CNTNAP5: variants seen among roughly 807,000 people sequenced by gnomAD.
CNTNAP5 encodes the protein contactin associated protein family member 5.
Under a neutral mutation model 150.2 loss-of-function variants are expected in CNTNAP5, and 72 were observed. The ratio of observed to expected loss-of-function variants is 0.48; its 90% CI spans 0.40 to 0.58. The LOEUF is 0.58. Ranked by LOEUF, CNTNAP5 falls within the 20% of genes least tolerant of loss-of-function variation. CNTNAP5 has a pLI of 0.00. For missense variants in CNTNAP5, 1,636 were observed against 1,626.2 expected (o/e 1.01, Z -0.10); for synonymous variants, 672 against 619.8 (o/e 1.08, Z -1.25).
chr2:124,387,545 G>C (rs1193530326), intron 3 of CNTNAP5, among the ~76,000 whole-genome samples: 3 of 152,070 alleles, frequency 2.0e-5, no homozygotes, highest in Non-Finnish European at 2.9e-5. Flanking sequence ...TTGCGGGCAG[G>C]GTGGATCTCA....
intron 10 of CNTNAP5, among the ~76,000 whole-genome samples, chr2:124,528,277 A>C (rs1464953027): frequency 2.0e-5 from 3 of 152,168 alleles, no homozygotes; most frequent in Non-Finnish European, 4.4e-5. Flanking sequence ...AGTTACAATA[A>C]AGTTAGATAA....
chr2:124,512,515 G>A (rs1178209936), intron 8 of CNTNAP5, among the ~76,000 whole-genome samples: 1 of 152,080 alleles, frequency 6.6e-6, no homozygotes. Context: ...GACATGGACA[G>A]CAAAGAGCCA....
intron 1 of CNTNAP5, among the ~76,000 whole-genome samples, chr2:124,189,546 G>T (rs991127484): frequency 3.3e-5 from 5 of 152,184 alleles, no homozygotes; most frequent in Admixed American, 2.0e-4. Flanking sequence ...TTTTATAGGA[G>T]ATAATAGGTG....
chr2:124,513,921 A>T (rs1379420671), intron 8 of CNTNAP5, among the ~76,000 whole-genome samples: 2 of 152,204 alleles, frequency 1.3e-5, no homozygotes, highest in Non-Finnish European at 2.9e-5. Flanking sequence ...AGCCATTTGT[A>T]GCTAGCCACC....
At chr2:124,772,366 A>G (rs1681220643) in intron 16 of CNTNAP5, among the ~76,000 whole-genome samples, 1 of 152,230 alleles carries the variant, frequency 6.6e-6, no homozygotes, top group Non-Finnish European at 1.5e-5. Flanking sequence ...ACAAATGCTT[A>G]TATAACATGC....
At chr2:124,210,371 T>G (rs989516431) in intron 1 of CNTNAP5, among the ~76,000 whole-genome samples, 45 of 152,198 alleles carry the variant, frequency 3.0e-4, no homozygotes, top group African/African-American at 9.2e-4. Flanking sequence ...ATTTGTGAGC[T>G]TCCCAGTTCT....
At chr2:124,221,872 G>A (rs1686329594) in intron 2 of CNTNAP5, 63 bp downstream of exon 2, 2 of 1,054,488 alleles carry the variant, frequency 1.9e-6, no homozygotes, top group Non-Finnish European at 1.4e-6. Context: ...GGTAGGTGAA[G>A]GAGAGTGAGC....
chr2:124,137,585 C>A, intron 1 of CNTNAP5, among the ~76,000 whole-genome samples: 1 of 152,050 alleles, frequency 6.6e-6, no homozygotes, highest in Non-Finnish European at 1.5e-5. Flanking sequence ...AAAAAAAATT[C>A]TACTTTGGGC....
intron 1 of CNTNAP5, among the ~76,000 whole-genome samples, chr2:124,028,015 A>C (rs1471030566): frequency 1.3e-5 from 2 of 152,174 alleles, no homozygotes; most frequent in African/African-American, 2.4e-5. Context: ...TTTTATCTAT[A>C]ATCAATTAAT....
chr2:124,619,140 G>A (rs1566810), intron 12 of CNTNAP5, among the ~76,000 whole-genome samples: 61,010 of 151,730 alleles, frequency 0.4, 14,300 homozygotes, highest in Non-Finnish European at 0.54. Context: ...TGGATGCAGA[G>A]CATTTCAGCC....
intron 7 of CNTNAP5, among the ~76,000 whole-genome samples, chr2:124,503,746 T>C (rs572370695): frequency 6.6e-6 from 1 of 152,290 alleles, no homozygotes; most frequent in East Asian, 1.9e-4. Context: ...AATGGCAGTT[T>C]CCCTGGAATT....
At chr2:124,201,800 A>G (rs545148949) in intron 1 of CNTNAP5, among the ~76,000 whole-genome samples, 1 of 152,312 alleles carries the variant, frequency 6.6e-6, no homozygotes, top group Middle Eastern at 3.4e-3. Flanking sequence ...GCATATATAA[A>G]TTTGTTCTCA....
At chr2:124,084,856 C>T (rs977633180) in intron 1 of CNTNAP5, among the ~76,000 whole-genome samples, 9 of 150,758 alleles carry the variant, frequency 6.0e-5, no homozygotes, top group South Asian at 2.1e-4. Flanking sequence ...GTATAATACT[C>T]CAGTGAAACT....
intron 1 of CNTNAP5, among the ~76,000 whole-genome samples, chr2:124,063,414 T>G (rs1423000000): frequency 2.0e-5 from 3 of 152,142 alleles, no homozygotes; most frequent in South Asian, 4.1e-4. Flanking sequence ...CCTACAACTC[T>G]GATTTAAATG....
At chr2:124,637,275 T>G (rs1677990807) in intron 12 of CNTNAP5, among the ~76,000 whole-genome samples, 1 of 152,096 alleles carries the variant, frequency 6.6e-6, no homozygotes, top group Admixed American at 6.6e-5. Flanking sequence ...TCTTTTTGCT[T>G]TTGTTGTTGT....
chr2:124,313,531 C>T (rs1049506007), intron 3 of CNTNAP5, among the ~76,000 whole-genome samples: 1 of 152,186 alleles, frequency 6.6e-6, no homozygotes, highest in African/African-American at 2.4e-5. Context: ...AATTCAGCTT[C>T]TGCTCTCACA....
chr2:124,790,291 A>G (rs1306678367), intron 18 of CNTNAP5, 150 bp downstream of exon 18: 7 of 862,900 alleles, frequency 8.1e-6, no homozygotes, highest in Non-Finnish European at 1.2e-5. Context: ...ACGTAATTGC[A>G]TATACTTATT....
At chr2:124,053,308 T>C (rs1400353139) in intron 1 of CNTNAP5, among the ~76,000 whole-genome samples, 1 of 152,036 alleles carries the variant, frequency 6.6e-6, no homozygotes, top group South Asian at 2.1e-4. Context: ...AACAAGGTAA[T>C]CTCTGTATTC....
At chr2:124,145,812 T>TAAAAAAAAAAAAA in intron 1 of CNTNAP5, among the ~76,000 whole-genome samples, 20 of 64,116 alleles carry the variant, frequency 3.1e-4, no homozygotes, top group African/African-American at 4.2e-4. Context: ...AAAAAAACAT[T>TAAAAAAAAAAAAA]AAAAAAAAAA....
Sources: allele counts gnomAD v4.1 joint callset (sites outside exome capture counted in the v4.1 genomes callset), GRCh38; gene constraint gnomAD v4.1.1; transcripts MANE v1.5; gene names NCBI Gene and HGNC (gene_info 2026-07-23, HGNC 2026-07-21).